Variants in RANBP17 observed in about 807,000 individuals in gnomAD.
RANBP17 encodes RAN binding protein 17.
In RANBP17, 158 loss-of-function variants were observed where a neutral mutation model predicts 141.2. That is an observed-to-expected ratio of 1.12 (90% confidence interval 0.98 to 1.28). RANBP17 has a LOEUF of 1.28. Ranked by LOEUF, RANBP17 falls within the 50% of genes most tolerant of loss-of-function variation. The pLI is 0.00. For synonymous variants in RANBP17, 430 were observed against 450.0 expected, an observed-to-expected ratio of 0.96 and a Z score of 0.56; for missense variants, 1,438 against 1,290.7, an observed-to-expected ratio of 1.11 and a Z score of -1.75.
intron 3 of RANBP17, among the ~76,000 whole-genome samples, chr5:170,883,761 CCATGTTTTTTT>C (rs1397148558): frequency 6.6e-6 from 1 of 152,122 alleles, no homozygotes; most frequent in Non-Finnish European, 1.5e-5. Flanking sequence ...TAAGGTTCCT[CCATGTTTTTTT>C]CATGGCTTGA....
chr5:171,007,432 C>T (rs904332610), intron 14 of RANBP17, among the ~76,000 whole-genome samples: 8 of 151,920 alleles, frequency 5.3e-5, no homozygotes, highest in Admixed American at 1.3e-4. Flanking sequence ...CCTGATTCAG[C>T]CTGGCAGGGA....
chr5:171,101,349 T>A (rs1204627442), intron 14 of RANBP17, among the ~76,000 whole-genome samples: 1 of 152,232 alleles, frequency 6.6e-6, no homozygotes, highest in Non-Finnish European at 1.5e-5. Context: ...TATTATTATG[T>A]GATGCACTTC....
chr5:171,060,297 G>C (rs1185445900), intron 14 of RANBP17, among the ~76,000 whole-genome samples: 1 of 138,866 alleles, frequency 7.2e-6, no homozygotes, highest in Non-Finnish European at 1.6e-5. Context: ...TATTGGCTGT[G>C]GGTTTGTCAT....
chr5:171,174,986 T>G (rs1009661875), intron 16 of RANBP17, among the ~76,000 whole-genome samples: 4 of 152,028 alleles, frequency 2.6e-5, no homozygotes, highest in African/African-American at 9.7e-5. Context: ...GTGTGTGATA[T>G]TCCCCTCCCT....
chr5:171,234,548 C>G (rs1384281722), intron 22 of RANBP17, among the ~76,000 whole-genome samples: 1 of 152,136 alleles, frequency 6.6e-6, no homozygotes, highest in Non-Finnish European at 1.5e-5. Flanking sequence ...GTAATTCAGG[C>G]AAAGTTTGAT....
intron 22 of RANBP17, among the ~76,000 whole-genome samples, chr5:171,224,987 A>T (rs1417642885): frequency 6.6e-6 from 1 of 152,204 alleles, no homozygotes; most frequent in Non-Finnish European, 1.5e-5. Flanking sequence ...TGCCTCAAAG[A>T]CATGGTTGTG....
In RANBP17 at chr5:171,083,256, T is replaced by G. The variant is rs561208423; in HGVS notation, c.1711-86874T>G. Among the ~76,000 whole-genome samples, 135 of 152,182 alleles carry G rather than the reference T, an allele frequency of 8.9e-4. 1 individual carries two copies. The highest frequency in any genetic ancestry group is 3.2e-3 in the African/African-American group (132 of 41,528). ...GGAGGTGGGACCTTTAAGAGGTAAT[T>G]AAGACATGAGAGTGGAACCTTCATG... On this transcript the variant is annotated intron_variant, in intron 14 of 27. Transcript: ENST00000523189.
rs1409916522 is a variant in RANBP17 at position 171,050,485 on chromosome 5, C to G, written c.1710+82108C>G. Among the ~76,000 whole-genome samples, 5 of 152,176 alleles carry G rather than the reference C, an allele frequency of 3.3e-5. No individual in the cohort carries two copies. The South Asian group carries it at 1.0e-3, about 32-fold the overall frequency. ...ATCTTTAATCCCAGCACTTTGGAGA[C>G]CAGTGCGGGCAGATGGCTTGAGCTC... On this transcript the variant is annotated intron_variant, in intron 14 of 27. Coordinates refer to ENST00000523189, the MANE Select transcript of RANBP17 (RefSeq NM_022897.5).
rs191077153 is a variant in RANBP17, at chr5:171,254,816, A to T, written c.2777-10865A>T. ...AACTCTTTTCAGGCAGTAAATTTTT[A>T]AAAAAATCTGTCATTTTCTAAAATT... On this transcript the variant is annotated intron_variant, in intron 24 of 27. Transcript: ENST00000523189. 3.9e-3 allele frequency among the ~76,000 whole-genome samples: 593 copies of T among 152,298 alleles called. 6 individuals are homozygous for T. Among genetic ancestry groups the T allele is most frequent in the African/African-American group, 8.3e-3 (346 of 41,564 alleles).
In RANBP17 at chr5:171,298,895, C is replaced by CA; in HGVS notation, c.*39dup. The CA allele has an allele frequency of 2.0e-6, 3 of 1,508,654 alleles. No homozygotes were observed. Among genetic ancestry groups the CA allele is most frequent in the Non-Finnish European group, 2.8e-6 (3 of 1,084,644 alleles). The allele number at this position is 1,508,654 out of a possible 1,614,324, so 93.5% of individuals were successfully genotyped here. On this transcript the variant is annotated 3_prime_UTR_variant, in exon 28 of 28. Coordinates refer to ENST00000523189, the MANE Select transcript of RANBP17 (RefSeq NM_022897.5). ...TGACCATGTGCGGAGCAGCCTTTAT[C>CA]AAGAGACTCCTGAAGGTCTGGGTCT...
intron 14 of RANBP17, among the ~76,000 whole-genome samples, chr5:171,091,569 G>C (rs142330071): frequency 0.046 from 7,012 of 152,190 alleles, 206 homozygotes; most frequent in East Asian, 0.12. Flanking sequence ...ATGAGATTTG[G>C]GAGGGGCCAG....
chr5:171,290,085 C>T (rs966737440), intron 25 of RANBP17, among the ~76,000 whole-genome samples: 2 of 151,826 alleles, frequency 1.3e-5, no homozygotes, highest in South Asian at 2.1e-4. Flanking sequence ...AAGTATGACT[C>T]GGGCCAGACG....
At position 170,999,229 on chromosome 5, in the gene RANBP17, T is replaced by A. The variant is rs80306599; in HGVS notation, c.1710+30852T>A. Among the ~76,000 whole-genome samples the A allele has an allele frequency of 5.5e-4, 84 of 152,278 alleles. No individual in the cohort carries two copies. In the East Asian group the frequency reaches 0.016, roughly 29 times the overall value. On this transcript the variant is annotated intron_variant, in intron 14 of 27. Coordinates refer to ENST00000523189, the MANE Select transcript of RANBP17 (RefSeq NM_022897.5). ...TAAATTTTAAGTATATTTCTATAAT[T>A]GTAAATAAAATCCTGACATTTGTTA...
chr5:171,252,954 T>G, intron 24 of RANBP17: 1 of 1,437,986 alleles, frequency 7.0e-7, no homozygotes, highest in South Asian at 1.1e-5. Context: ...ACTCTGAGTC[T>G]GGTTACATCC....
chr5:170,879,244 C>G (rs1768454126), intron 2 of RANBP17, among the ~76,000 whole-genome samples: 1 of 152,098 alleles, frequency 6.6e-6, no homozygotes, highest in South Asian at 2.1e-4. Flanking sequence ...GCACATTCAT[C>G]ATTTACAAGG....
At chr5:171,216,491 A>C (rs1763228114) in intron 21 of RANBP17, among the ~76,000 whole-genome samples, 1 of 152,176 alleles carries the variant, frequency 6.6e-6, no homozygotes, top group South Asian at 2.1e-4. Context: ...TCTATAAATT[A>C]CTTTGAGCAG....
chr5:171,082,549 T>A (rs1032747474), intron 14 of RANBP17, among the ~76,000 whole-genome samples: 2 of 152,118 alleles, frequency 1.3e-5, no homozygotes, highest in South Asian at 4.1e-4. Flanking sequence ...ACTGACCCAG[T>A]ACCTCTAAAA....
chr5:170,988,316 G>T (rs1455434764), intron 14 of RANBP17, among the ~76,000 whole-genome samples: 5 of 149,896 alleles, frequency 3.3e-5, no homozygotes, highest in Admixed American at 6.7e-5. Flanking sequence ...GGGAGAGGGT[G>T]ATAATTTCAT....
chr5:171,277,938 C>CTTTTTTT lies in RANBP17; in HGVS notation c.2943+12116_2943+12122dup, dbSNP rs140208253. On this transcript the variant is annotated intron_variant, in intron 25 of 27. Transcript: ENST00000523189. ...CAGTCCTTGAGCCTAGGACTTCTTT[C>CTTTTTTT]TTTTTTTTTTTTTTTTTTTTTTTTT... is the stretch of plus-strand genomic sequence containing the variant. Among the ~76,000 whole-genome samples, 103 of 72,268 alleles carry CTTTTTTT rather than the reference C, an allele frequency of 1.4e-3. 4 individuals are homozygous for CTTTTTTT. The highest frequency in any genetic ancestry group is 2.6e-3 in the African/African-American group (46 of 17,574). The allele number at this position is 72,268 out of a possible 152,430, so 47.4% of individuals were successfully genotyped here. A position where few individuals can be genotyped will look rare whatever the true frequency, so the allele number is the denominator to read the frequency against.
Sources: allele counts gnomAD v4.1 joint callset (sites outside exome capture counted in the v4.1 genomes callset), GRCh38; gene constraint gnomAD v4.1.1; transcripts MANE v1.5; gene names NCBI Gene and HGNC (gene_info 2026-07-23, HGNC 2026-07-21).